PEX5L: variants seen among roughly 807,000 people sequenced by gnomAD.
PEX5L encodes the protein peroxisomal biogenesis factor 5 like, also known as PEX5-related protein.
A neutral mutation model predicts 84.0 loss-of-function variants in PEX5L; 30 were observed. The ratio of observed to expected loss-of-function variants is 0.36; its 90% CI spans 0.27 to 0.48. The LOEUF (loss-of-function observed/expected upper bound fraction) is 0.48. Ranked by LOEUF, PEX5L falls within the 20% of genes least tolerant of loss-of-function variation. The probability of loss-of-function intolerance (pLI) is 0.99; values close to 1 mark genes in which losing one functional copy is unlikely to be tolerated. For synonymous variants in PEX5L, 270 were observed against 283.1 expected (o/e 0.95, Z 0.46); for missense variants, 533 against 754.6 (o/e 0.71, Z 3.44).
Position 180,029,218 on chromosome 3 carries a change from G to A in PEX5L, c.21+7361C>T, listed in dbSNP as rs534301827. 5.9e-5 allele frequency among the ~76,000 whole-genome samples: 9 copies of A among 151,994 alleles called. No homozygotes were observed. The South Asian group carries it at 1.2e-3, about 21-fold the overall frequency. On this transcript the variant is annotated intron_variant, in intron 1 of 14. Transcript: ENST00000467460. ...TATTTTGTTATTTTTTAATAGAGAC[G>A]GGGTTTCACCATGTTGGCCAGGCTG...
At chr3:179,963,048 G>A (rs1185510448) in intron 2 of PEX5L, among the ~76,000 whole-genome samples, 1 of 152,190 alleles carries the variant, frequency 6.6e-6, no homozygotes. Context: ...TTAAAGTAAA[G>A]ATACCTGATA....
intron 14 of PEX5L, chr3:179,804,374 G>A (rs1577087441): frequency 6.6e-6 from 1 of 152,106 alleles, no homozygotes; most frequent in South Asian, 2.1e-4. Context: ...AAAGCATCAC[G>A]TTATAGCTTT....
intron 2 of PEX5L, among the ~76,000 whole-genome samples, chr3:179,949,666 G>C (rs748626681): frequency 6.6e-5 from 10 of 152,098 alleles, no homozygotes; most frequent in Non-Finnish European, 1.5e-4. Flanking sequence ...TGCCCCAGCT[G>C]CTGCCTTTTT....
intron 9 of PEX5L, among the ~76,000 whole-genome samples, chr3:179,817,173 C>A (rs1726467828): frequency 6.6e-6 from 1 of 151,974 alleles, no homozygotes; most frequent in African/African-American, 2.4e-5. Context: ...GCTATATTGC[C>A]CCTGTTGAGC....
At chr3:180,003,259 A>T (rs1788586654) in intron 1 of PEX5L, among the ~76,000 whole-genome samples, 1 of 152,162 alleles carries the variant, frequency 6.6e-6, no homozygotes. Context: ...AACATGGAAA[A>T]CATCTGGGAT....
intron 1 of PEX5L, among the ~76,000 whole-genome samples, chr3:179,990,200 C>G (rs1787250632): frequency 6.6e-6 from 1 of 152,150 alleles, no homozygotes; most frequent in Non-Finnish European, 1.5e-5. Context: ...GTCTTCCAGT[C>G]CCACTATTCT....
intron 1 of PEX5L, among the ~76,000 whole-genome samples, chr3:180,001,037 G>C (rs1323031819): frequency 6.6e-6 from 1 of 152,106 alleles, no homozygotes; most frequent in Non-Finnish European, 1.5e-5. Context: ...GAGTCAGTGG[G>C]CTGGGAAAGG....
intron 7 of PEX5L, among the ~76,000 whole-genome samples, chr3:179,865,606 A>G (rs1044058660): frequency 2.6e-5 from 4 of 151,872 alleles, no homozygotes; most frequent in African/African-American, 9.7e-5. Flanking sequence ...ATTGCTTAGT[A>G]CTTACATAAA....
intron 1 of PEX5L, among the ~76,000 whole-genome samples, chr3:180,014,860 G>C (rs1239153552): frequency 6.6e-6 from 1 of 152,058 alleles, no homozygotes; most frequent in Non-Finnish European, 1.5e-5. Flanking sequence ...TCTTGCAATT[G>C]CAGCTATTTC....
chr3:179,948,681 T>C (rs1216168059), intron 2 of PEX5L, among the ~76,000 whole-genome samples: 1 of 152,176 alleles, frequency 6.6e-6, no homozygotes, highest in Non-Finnish European at 1.5e-5. Flanking sequence ...CTGTATTTCT[T>C]CACTTCTACC....
At chr3:179,810,222 G>T (rs1166146885) in intron 11 of PEX5L, among the ~76,000 whole-genome samples, 3 of 151,590 alleles carry the variant, frequency 2.0e-5, no homozygotes, top group Non-Finnish European at 2.9e-5. Context: ...GGCCAGGCTG[G>T]TCTCAAACTC....
intron 14 of PEX5L, among the ~76,000 whole-genome samples, chr3:179,805,589 C>T (rs1720991292): frequency 1.3e-5 from 2 of 152,128 alleles, no homozygotes; most frequent in South Asian, 4.1e-4. Context: ...GTTGGTTAAA[C>T]CCACAGATGA....
chr3:179,966,891 T>C (rs963099014), intron 2 of PEX5L, among the ~76,000 whole-genome samples: 2 of 152,186 alleles, frequency 1.3e-5, no homozygotes, highest in African/African-American at 4.8e-5. Context: ...CCAGGGCCCC[T>C]TCTCATGCCT....
In PEX5L at chr3:179,900,531, C is replaced by T. The variant is rs935855548; in HGVS notation, c.94-2285G>A. 82 of 618,286 alleles carry T rather than the reference C, an allele frequency of 1.3e-4. 5 individuals carry two copies. The highest frequency in any genetic ancestry group is 2.9e-6 in the Non-Finnish European group (1 of 350,434). 38.3% of individuals were successfully genotyped at this position (618,286 alleles called of 1,614,324 possible). A position where few individuals can be genotyped will look rare whatever the true frequency, so the allele number is the denominator to read the frequency against. On this transcript the variant is annotated intron_variant, in intron 2 of 14. Coordinates refer to ENST00000467460, the MANE Select transcript of PEX5L (RefSeq NM_016559.3). ...ATAGCTAGAGTTAGCAAGGGACATG[C>T]CATTTCACTAAAACAAAAACAAAAA...
intron 3 of PEX5L, chr3:179,888,227 C>G: frequency 8.4e-7 from 1 of 1,194,216 alleles, no homozygotes; most frequent in South Asian, 1.3e-5. Flanking sequence ...TGCAAACACA[C>G]GGATCAGTGT....
intron 8 of PEX5L, among the ~76,000 whole-genome samples, chr3:179,845,391 T>C (rs537756522): frequency 4.6e-5 from 7 of 152,304 alleles, no homozygotes; most frequent in African/African-American, 1.7e-4. Context: ...ACTTTCTGGG[T>C]ATGTTTTAAT....
At chr3:179,804,769 C>A (rs1057232101) in intron 14 of PEX5L, among the ~76,000 whole-genome samples, 13 of 152,224 alleles carry the variant, frequency 8.5e-5, no homozygotes, top group African/African-American at 3.1e-4. Flanking sequence ...TTGTTATTTC[C>A]TGAGTATGCA....
intron 1 of PEX5L, among the ~76,000 whole-genome samples, chr3:179,999,100 T>C (rs1035442510): frequency 6.6e-6 from 1 of 152,242 alleles, no homozygotes; most frequent in African/African-American, 2.4e-5. Context: ...TGCTTGATTA[T>C]ATACTGATTC....
chr3:179,874,606 G>A (rs1751523476), intron 6 of PEX5L, among the ~76,000 whole-genome samples, 183 bp from the exon 7 acceptor site: 1 of 151,986 alleles, frequency 6.6e-6, no homozygotes, highest in Non-Finnish European at 1.5e-5. Context: ...GAATGTAAGA[G>A]GCTACAGTGT....
Sources: gnomAD v4.1 joint callset for allele counts (sites outside exome capture counted in the v4.1 genomes callset) on GRCh38, gnomAD v4.1.1 for gene constraint, MANE v1.5 for transcripts, NCBI Gene and HGNC (gene_info 2026-07-23, HGNC 2026-07-21) for gene names.